AGBL1: variants seen among roughly 807,000 people sequenced by gnomAD.
The protein encoded by AGBL1 is cytosolic carboxypeptidase 4.
AGBL1 carries 130 observed loss-of-function variants against 118.9 expected under a neutral mutation model. The observed-to-expected ratio is 1.09, with a 90% CI of 0.95 to 1.26. AGBL1 has a LOEUF of 1.26. Ranked by LOEUF, AGBL1 falls within the 50% of genes most tolerant of loss-of-function variation. The pLI, the probability that AGBL1 is intolerant of heterozygous loss-of-function variation, is 0.00. For synonymous variants in AGBL1, 555 were observed against 478.9 expected (o/e 1.16, Z -2.08); for missense variants, 1,584 against 1,298.1 (o/e 1.22, Z -3.38).
intron 21 of AGBL1, among the ~76,000 whole-genome samples, chr15:86,658,710 G>T (rs564742439): frequency 1.3e-5 from 2 of 152,230 alleles, no homozygotes; most frequent in East Asian, 3.9e-4. Context: ...GAAAGCCATA[G>T]CCAGAGTTCC....
At chr15:86,891,943 A>G (rs184184378) in intron 22 of AGBL1, among the ~76,000 whole-genome samples, 1 of 152,296 alleles carries the variant, frequency 6.6e-6, no homozygotes, top group Admixed American at 6.5e-5. Context: ...TCAATGGGCC[A>G]CTCAGTACTC....
intron 18 of AGBL1, among the ~76,000 whole-genome samples, chr15:86,416,397 T>A (rs989436835): frequency 5.9e-5 from 9 of 152,074 alleles, no homozygotes; most frequent in Non-Finnish European, 7.4e-5. Flanking sequence ...GGGCAAAAAA[T>A]TTGAGTGTTT....
chr15:86,243,485 G>T (rs1567150475), intron 6 of AGBL1, among the ~76,000 whole-genome samples: 1 of 152,198 alleles, frequency 6.6e-6, no homozygotes, highest in South Asian at 2.1e-4. Flanking sequence ...GGGTGAATGG[G>T]AGGTGAGGAC....
At chr15:86,431,678 C>G (rs965629901) in intron 18 of AGBL1, among the ~76,000 whole-genome samples, 1 of 152,154 alleles carries the variant, frequency 6.6e-6, no homozygotes, top group Admixed American at 6.5e-5. Context: ...CCAAAGGATT[C>G]CACACGCATT....
chr15:86,839,927 T>C (rs1468171881), intron 22 of AGBL1, among the ~76,000 whole-genome samples: 2 of 152,230 alleles, frequency 1.3e-5, no homozygotes, highest in African/African-American at 2.4e-5. Context: ...CTCAGACTTC[T>C]ATGAATTTTT....
At chr15:86,561,829 T>C (rs2083826534) in intron 21 of AGBL1, among the ~76,000 whole-genome samples, 1 of 152,216 alleles carries the variant, frequency 6.6e-6, no homozygotes, top group African/African-American at 2.4e-5. Context: ...TTTTATTTCA[T>C]TGAGCAGTGG....
At chr15:86,390,819 A>T (rs1300569973) in intron 17 of AGBL1, among the ~76,000 whole-genome samples, 1 of 151,646 alleles carries the variant, frequency 6.6e-6, no homozygotes, top group African/African-American at 2.4e-5. Flanking sequence ...ACAGGCGCCT[A>T]CCACCATGCC....
Position 86,613,189 on chromosome 15 carries a change from T to C in AGBL1, c.2994+58652T>C, listed in dbSNP as rs748154158. Among the ~76,000 whole-genome samples, 1 of 152,212 alleles carries C rather than the reference T, an allele frequency of 6.6e-6. No homozygotes were observed. Among genetic ancestry groups the C allele is most frequent in the Non-Finnish European group, 1.5e-5 (1 of 68,036 alleles). ...GATTAAGACTTGTCTCAGATACTTT[T>C]TGGTTTACAGGTACCTTAAAGAAGA... On this transcript the variant is annotated intron_variant, in intron 21 of 22. Coordinates refer to ENST00000614907, the MANE Select transcript of AGBL1 (RefSeq NM_001386094.1). The surrounding 1 kb of genome is among the most constrained non-coding windows in gnomAD (Gnocchi z 4.2).
chr15:86,689,675 A>T (rs912154186), intron 22 of AGBL1, among the ~76,000 whole-genome samples: 1 of 152,100 alleles, frequency 6.6e-6, no homozygotes, highest in African/African-American at 2.4e-5. Context: ...ATTCTGTCCT[A>T]TTAGAGAACT....
intron 22 of AGBL1, among the ~76,000 whole-genome samples, chr15:86,835,983 C>A (rs1384068379): frequency 1.3e-5 from 2 of 152,164 alleles, no homozygotes; most frequent in African/African-American, 4.8e-5. Flanking sequence ...TATCTTTCAT[C>A]AAGTCTGCTA....
At chr15:86,796,587 C>T (rs1448520029) in intron 22 of AGBL1, among the ~76,000 whole-genome samples, 1 of 152,160 alleles carries the variant, frequency 6.6e-6, no homozygotes, top group African/African-American at 2.4e-5. Context: ...TTGCTCATAC[C>T]AGTTAGAAGC....
chr15:86,629,541 G>A (rs759220615), intron 21 of AGBL1, among the ~76,000 whole-genome samples: 5 of 152,064 alleles, frequency 3.3e-5, no homozygotes, highest in Non-Finnish European at 5.9e-5. Context: ...ATAAAATAAC[G>A]CACCCTTTGA....
At chr15:86,385,694 A>C (rs2081173828) in intron 17 of AGBL1, among the ~76,000 whole-genome samples, 1 of 152,174 alleles carries the variant, frequency 6.6e-6, no homozygotes, top group African/African-American at 2.4e-5. Context: ...TGTTGAATAC[A>C]TGAATGGGCA....
At chr15:86,157,600 T>C (rs1385875662) in intron 4 of AGBL1, among the ~76,000 whole-genome samples, 4 of 152,154 alleles carry the variant, frequency 2.6e-5, no homozygotes, top group African/African-American at 9.7e-5. Context: ...CATAAGGTAT[T>C]TAAAAAAATT....
At chr15:86,206,987 A>G (rs969910839) in intron 5 of AGBL1, among the ~76,000 whole-genome samples, 13 of 152,178 alleles carry the variant, frequency 8.5e-5, no homozygotes, top group Non-Finnish European at 1.5e-4. Context: ...TAATTTTTGT[A>G]TAAGATATAG....
chr15:86,687,943 A>G (rs1050759095), intron 22 of AGBL1, among the ~76,000 whole-genome samples: 1 of 152,176 alleles, frequency 6.6e-6, no homozygotes, highest in Non-Finnish European at 1.5e-5. Flanking sequence ...CCCTATATCC[A>G]GTAAAATAGT....
Position 86,522,956 on chromosome 15 carries a change from TGCCTCC to T in AGBL1, c.2685+18_2685+23del. On this transcript the variant is annotated intron_variant, in intron 19 of 22. Coordinates refer to ENST00000614907, the MANE Select transcript of AGBL1 (RefSeq NM_001386094.1). ...AGTCCCGTGGTGAGTCACTTCCTTC[TGCCTCC>T]ACCTTCCTGGCTGCTTCCTTCTACC... 6.2e-7 allele frequency: 1 copy of T among 1,612,158 alleles called. No individual in the cohort carries two copies. Among genetic ancestry groups the T allele is most frequent in the South Asian group, 1.1e-5 (1 of 91,048 alleles).
At chr15:86,092,508 C>G (rs962640957) in intron 1 of AGBL1, among the ~76,000 whole-genome samples, 2 of 152,018 alleles carry the variant, frequency 1.3e-5, no homozygotes, top group African/African-American at 4.8e-5. Flanking sequence ...AATCAATGTT[C>G]TAATGATAAA....
intron 19 of AGBL1, among the ~76,000 whole-genome samples, chr15:86,542,924 A>G (rs1159308076): frequency 1.3e-5 from 2 of 152,198 alleles, no homozygotes; most frequent in Non-Finnish European, 2.9e-5. Context: ...TTTAAAATGA[A>G]CTTCGTGTAG....
Sources: allele counts gnomAD v4.1 joint callset (sites outside exome capture counted in the v4.1 genomes callset), GRCh38; gene constraint gnomAD v4.1.1; non-coding constraint Gnocchi (gnomAD v3.1); transcripts MANE v1.5; gene names NCBI Gene and HGNC (gene_info 2026-07-23, HGNC 2026-07-21).